The following EDNRB variants were observed in gnomAD, a reference collection of about 807,000 sequenced individuals.
EDNRB encodes the protein Hirschsprung disease 2.
EDNRB carries 18 observed loss-of-function variants against 46.4 expected under a neutral mutation model. The observed-to-expected ratio is 0.39, with a 90% CI of 0.27 to 0.57. EDNRB has a LOEUF of 0.57. EDNRB is among the 20% of genes least tolerant of loss of function. The probability of loss-of-function intolerance (pLI) is 0.61; values close to 1 mark genes in which losing one functional copy is unlikely to be tolerated. For missense variants in EDNRB, 434 were observed against 537.5 expected, an observed-to-expected ratio of 0.81 and a Z score of 1.90; for synonymous variants, 213 against 204.9, an observed-to-expected ratio of 1.04 and a Z score of -0.34.
intron 6 of EDNRB, 135 bp from the exon 7 acceptor site, chr13:77,898,469 C>T (rs1447615224): frequency 6.2e-6 from 8 of 1,281,990 alleles, no homozygotes; most frequent in Non-Finnish European, 7.4e-6. Context: ...TTTTATTTTC[C>T]CTCTTAAAAG....
intron 1 of EDNRB, 152 bp downstream of exon 1, chr13:77,917,939 G>A (rs1191069419): frequency 6.8e-6 from 8 of 1,182,470 alleles, no homozygotes; most frequent in African/African-American, 1.5e-5. Context: ...AGAACCAAAT[G>A]GAATTTGGTT....
intron 1 of EDNRB, among the ~76,000 whole-genome samples, chr13:77,911,535 G>C (rs925226600): frequency 6.6e-6 from 1 of 152,028 alleles, no homozygotes; most frequent in African/African-American, 2.4e-5. Context: ...AAAGACACAG[G>C]TCAGCAGGCA....
Position 77,933,275 on chromosome 13 carries a change from AG to A in EDNRB, c.-51-14652del, listed in dbSNP as rs1880453557. On this transcript the variant is annotated intron_variant, in intron 1 of 7. Transcript: ENST00000646948. ...CAAACAGGCTTTGTGTGAGCAATAAAGCTTTTAATCACCTGGGTGCAGGCAG... is the reference window on the plus strand; with the variant it reads ...CAAACAGGCTTTGTGTGAGCAATAAACTTTTAATCACCTGGGTGCAGGCAG... Among the ~76,000 whole-genome samples the A allele has an allele frequency of 5.3e-5, 8 of 152,218 alleles. 1 individual carries two copies. The highest frequency in any genetic ancestry group is 5.2e-4 in the Admixed American group (8 of 15,286).
In EDNRB at chr13:77,926,384, G is replaced by A. The variant is rs183913522; in HGVS notation, c.-51-7760C>T. Among the ~76,000 whole-genome samples, 3 of 152,198 alleles carry A rather than the reference G, an allele frequency of 2.0e-5. No individual in the cohort carries two copies. In the East Asian group the frequency reaches 5.8e-4, roughly 29 times the overall value. On this transcript the variant is annotated intron_variant, in intron 1 of 7. Transcript: ENST00000646948. ...CACCTAAGTCACTTTTGAATGCTTT[G>A]CTGCTTAGAAATTTCTTCCACCAGA...
intron 1 of EDNRB, among the ~76,000 whole-genome samples, chr13:77,931,775 CA>C (rs142097187): frequency 0.2 from 21,009 of 106,184 alleles, 1,354 homozygotes; most frequent in East Asian, 0.48. Context: ...AAAAAAAAAA[CA>C]AAAAAAACCT....
intron 1 of EDNRB, among the ~76,000 whole-genome samples, chr13:77,927,593 T>A (rs1184733402): frequency 1.3e-5 from 2 of 152,234 alleles, no homozygotes; most frequent in Non-Finnish European, 2.9e-5. Context: ...GAAAAGTCAG[T>A]GAATGATTAT....
intron 1 of EDNRB, among the ~76,000 whole-genome samples, chr13:77,940,710 TG>T (rs1440399436): frequency 7.7e-5 from 2 of 25,950 alleles, no homozygotes; most frequent in Non-Finnish European, 1.6e-4. Context: ...GGTGTGTGTG[TG>T]TGTGTGTGTG....
chr13:77,907,998 C>T lies in EDNRB; in HGVS notation c.484-4391G>A, dbSNP rs144877606. 7.1e-3 allele frequency among the ~76,000 whole-genome samples: 789 copies of T among 111,792 alleles called. 5 individuals are homozygous for T. Among genetic ancestry groups the T allele is most frequent in the Admixed American group, 0.012 (93 of 7,740 alleles). The allele number at this position is 111,792 out of a possible 152,430, so 73.3% of individuals were successfully genotyped here. Reference sequence around the variant, plus strand: ...GGAGAGATTACAGTTTTCTAGTCTACACTTTTGAAGGGAAAGAGACTGCAA... The same window carrying T: ...GGAGAGATTACAGTTTTCTAGTCTATACTTTTGAAGGGAAAGAGACTGCAA... On this transcript the variant is annotated intron_variant, in intron 1 of 6. Coordinates refer to ENST00000646607, the MANE Select transcript of EDNRB (RefSeq NM_001122659.3).
At chr13:77,900,915 A>T (rs1352598885) in intron 4 of EDNRB, 143 bp downstream of exon 4, 1 of 989,234 alleles carries the variant, frequency 1.0e-6, no homozygotes. Context: ...AATATTCTTT[A>T]TCTATTTAAA....
intron 1 of EDNRB, 120 bp downstream of exon 1, chr13:77,917,971 G>T: frequency 2.7e-6 from 4 of 1,473,728 alleles, no homozygotes; most frequent in Non-Finnish European, 3.7e-6. Context: ...TGACTTTTAG[G>T]AGGGGCAGAA....
At chr13:77,965,809 A>G (rs1362718030) in intron 1 of EDNRB, among the ~76,000 whole-genome samples, 1 of 152,120 alleles carries the variant, frequency 6.6e-6, no homozygotes, top group Non-Finnish European at 1.5e-5. Context: ...TTAAAATGTA[A>G]GTAAGGCAGC....
intron 1 of EDNRB, among the ~76,000 whole-genome samples, chr13:77,946,022 TG>T (rs1227352536): frequency 6.6e-6 from 1 of 152,190 alleles, no homozygotes; most frequent in Non-Finnish European, 1.5e-5. Context: ...CAGTATTCCT[TG>T]AAAAATTTAC....
upstream of EDNRB, among the ~76,000 whole-genome samples, chr13:77,920,791 A>G (rs371438777): frequency 6.6e-6 from 1 of 152,334 alleles, no homozygotes; most frequent in African/African-American, 2.4e-5. Context: ...GAGCCAAGTA[A>G]CAATATACAA....
chr13:77,942,969 T>G (rs1393784962), intron 1 of EDNRB, among the ~76,000 whole-genome samples: 1 of 152,144 alleles, frequency 6.6e-6, no homozygotes, highest in Non-Finnish European at 1.5e-5. Flanking sequence ...TCATAAATTG[T>G]TTTTACTAGA....
At chr13:77,974,236 C>A (rs975593660) in intron 1 of EDNRB, among the ~76,000 whole-genome samples, 3 of 151,798 alleles carry the variant, frequency 2.0e-5, no homozygotes, top group African/African-American at 7.3e-5. Context: ...TACTTTTTTG[C>A]TTTTTTGATT....
chr13:77,942,728 A>G (rs1240161051), intron 1 of EDNRB, among the ~76,000 whole-genome samples: 1 of 152,114 alleles, frequency 6.6e-6, no homozygotes, highest in East Asian at 1.9e-4. Flanking sequence ...CTATTAATTA[A>G]AAATATCTAT....
intron 1 of EDNRB, 136 bp downstream of exon 1, chr13:77,917,955 G>T: frequency 7.3e-7 from 1 of 1,368,736 alleles, no homozygotes; most frequent in Non-Finnish European, 1.0e-6. Flanking sequence ...TGGTTCCAAA[G>T]ATTACTGACT....
At chr13:77,950,233 A>T (rs1041685275) in intron 1 of EDNRB, among the ~76,000 whole-genome samples, 2 of 152,210 alleles carry the variant, frequency 1.3e-5, no homozygotes, top group African/African-American at 2.4e-5. Flanking sequence ...GCCAAATCAG[A>T]CATAGAAAAG....
chr13:77,973,760 C>G (rs1881803683), intron 1 of EDNRB, among the ~76,000 whole-genome samples: 1 of 152,056 alleles, frequency 6.6e-6, no homozygotes, highest in South Asian at 2.1e-4. Flanking sequence ...ACATTTCTTG[C>G]ATGAATTTCC....
Sources: allele counts gnomAD v4.1 joint callset (sites outside exome capture counted in the v4.1 genomes callset), GRCh38; gene constraint gnomAD v4.1.1; transcripts MANE v1.5; gene names NCBI Gene and HGNC (gene_info 2026-07-23, HGNC 2026-07-21).